The following TSPAN16 variants were observed in gnomAD, a reference collection of about 807,000 sequenced individuals.
The protein encoded by TSPAN16 is tetraspanin-16.
In TSPAN16, 23 loss-of-function variants were observed where a neutral mutation model predicts 25.2. The ratio of observed to expected loss-of-function variants is 0.91; its 90% CI spans 0.66 to 1.29. The LOEUF is 1.29. TSPAN16 is among the 50% of genes most tolerant of loss of function. The pLI, the probability that TSPAN16 is intolerant of heterozygous loss-of-function variation, is 0.00. For synonymous variants in TSPAN16, 123 were observed against 124.4 expected, an observed-to-expected ratio of 0.99 and a Z score of 0.08; for missense variants, 272 against 299.9, an observed-to-expected ratio of 0.91 and a Z score of 0.69.
downstream of TSPAN16, among the ~76,000 whole-genome samples, chr19:11,320,822 T>G (rs557289816): frequency 1.3e-5 from 2 of 152,186 alleles, no homozygotes; most frequent in East Asian, 1.9e-4. Context: ...CTTTGTTGTA[T>G]TAGTCTGTTT....
chr19:11,300,649 C>A (rs1226563697), intron 3 of TSPAN16: 1 of 152,872 alleles, frequency 6.5e-6, no homozygotes, highest in Non-Finnish European at 1.5e-5. Flanking sequence ...TTTGGGGACA[C>A]AGGAAACAGT....
chr19:11,314,550 T>A (rs2080725435), intron 6 of TSPAN16, among the ~76,000 whole-genome samples: 1 of 152,156 alleles, frequency 6.6e-6, no homozygotes, highest in Non-Finnish European at 1.5e-5. Context: ...ATTTATAATA[T>A]TGAATATGTA....
intron 6 of TSPAN16, chr19:11,325,426 G>GGGGGGGGGGGGGGGGGGGCCC: frequency 1.2e-6 from 1 of 825,492 alleles, no homozygotes; most frequent in Non-Finnish European, 1.8e-6. Context: ...GGGCTGGGGG[G>GGGGGGGGGGGGGGGGGGGCCC]CTGGAGCATC....
downstream of TSPAN16, among the ~76,000 whole-genome samples, chr19:11,316,794 A>C (rs2080751562): frequency 6.8e-6 from 1 of 146,354 alleles, no homozygotes; most frequent in Admixed American, 6.9e-5. Flanking sequence ...TGGGCAACAT[A>C]GCAAGACCCC....
At position 11,299,204 on chromosome 19, in the gene TSPAN16, C is replaced by T. The variant is rs183276686; in HGVS notation, c.342+258C>T. Among the ~76,000 whole-genome samples, 506 of 151,990 alleles carry T rather than the reference C, an allele frequency of 3.3e-3. 3 individuals carry two copies. The highest frequency in any genetic ancestry group is 5.7e-3 in the Non-Finnish European group (390 of 67,962). ...CTGAGGCAGGATAATCCCTTGAACCCGGGAGGCAGAGGTTGCAGTGAGCCA... is the reference window on the plus strand; with the variant it reads ...CTGAGGCAGGATAATCCCTTGAACCTGGGAGGCAGAGGTTGCAGTGAGCCA... On this transcript the variant is annotated intron_variant, in intron 3 of 6. Coordinates refer to ENST00000590327, the MANE Select transcript of TSPAN16 (RefSeq NM_001282509.2).
At chr19:11,301,040 C>T (rs1046431556) in intron 3 of TSPAN16, 161 bp from the exon 4 acceptor site, 8 of 596,976 alleles carry the variant, frequency 1.3e-5, no homozygotes, top group Non-Finnish European at 2.1e-5. Flanking sequence ...CAGTAGCCTT[C>T]GTGTGTCTTC....
At chr19:11,311,899 G>A (rs1275277385) in intron 5 of TSPAN16, among the ~76,000 whole-genome samples, 2 of 152,166 alleles carry the variant, frequency 1.3e-5, no homozygotes, top group African/African-American at 4.8e-5. Context: ...GCACAGACAA[G>A]TAGAAGGGAA....
At chr19:11,309,553 C>T (rs1379848529) in intron 5 of TSPAN16, among the ~76,000 whole-genome samples, 1 of 152,262 alleles carries the variant, frequency 6.6e-6, no homozygotes, top group Non-Finnish European at 1.5e-5. Flanking sequence ...CAAGTCTTTA[C>T]TCAACTGGCA....
intron 6 of TSPAN16, among the ~76,000 whole-genome samples, chr19:11,315,465 G>A (rs1201887839): frequency 6.6e-6 from 1 of 151,094 alleles, no homozygotes; most frequent in Admixed American, 6.6e-5. Context: ...GCTGAGGCAG[G>A]AGAATGGCGT....
chr19:11,308,252 T>A (rs567783672), intron 5 of TSPAN16, among the ~76,000 whole-genome samples: 1 of 152,088 alleles, frequency 6.6e-6, no homozygotes, highest in South Asian at 2.1e-4. Flanking sequence ...AGGGAAGAAA[T>A]AGAAATCAGA....
At chr19:11,312,481 G>A (rs182554916) in intron 6 of TSPAN16, among the ~76,000 whole-genome samples, 18 of 152,112 alleles carry the variant, frequency 1.2e-4, no homozygotes, top group Admixed American at 3.9e-4. Flanking sequence ...AAAACAGGTC[G>A]GGTATAATGG....
downstream of TSPAN16, among the ~76,000 whole-genome samples, chr19:11,317,419 G>T (rs1477084406): frequency 6.6e-6 from 1 of 152,062 alleles, no homozygotes; most frequent in Non-Finnish European, 1.5e-5. Flanking sequence ...GGGCTCAAGG[G>T]AGTCTCCCAT....
intron 6 of TSPAN16, among the ~76,000 whole-genome samples, chr19:11,315,498 A>C (rs1044096725): frequency 2.0e-5 from 3 of 151,206 alleles, no homozygotes; most frequent in Non-Finnish European, 3.0e-5. Flanking sequence ...CGGAGCTTGT[A>C]GTGAGCCAAG....
chr19:11,299,318 C>T (rs2080516858), intron 3 of TSPAN16, among the ~76,000 whole-genome samples: 1 of 151,890 alleles, frequency 6.6e-6, no homozygotes, highest in Admixed American at 6.6e-5. Context: ...AAGTCCGCCC[C>T]TCCCCGCCAG....
At chr19:11,297,317 G>C (rs1455284092) in intron 1 of TSPAN16, among the ~76,000 whole-genome samples, 1 of 151,992 alleles carries the variant, frequency 6.6e-6, no homozygotes, top group African/African-American at 2.4e-5. Context: ...ACAAAATAAA[G>C]TGTTATTGGA....
At chr19:11,310,992 C>T (rs150004574) in intron 5 of TSPAN16, among the ~76,000 whole-genome samples, 121 of 152,132 alleles carry the variant, frequency 8.0e-4, no homozygotes, top group African/African-American at 2.8e-3. Context: ...CACATACCAC[C>T]ACACTGGCTA....
intron 1 of TSPAN16, among the ~76,000 whole-genome samples, chr19:11,297,657 C>A (rs1035711087): frequency 3.9e-5 from 6 of 151,990 alleles, no homozygotes; most frequent in African/African-American, 1.5e-4. Flanking sequence ...CCACCACGCC[C>A]GGCCAATTTT....
In TSPAN16 at chr19:11,296,240, G is replaced by A. The variant is rs1255714729; in HGVS notation, c.-58G>A. The A allele has an allele frequency of 6.4e-7, 1 of 1,558,864 alleles. No individual in the cohort carries two copies. The highest frequency in any genetic ancestry group is 1.3e-5 in the African/African-American group (1 of 74,180). Reference sequence around the variant, plus strand: ...ATCCCTATCATCTTGGGAAACAGTAGCCCAGAGGTTCAGGAAGATGTTAAC... The same window carrying A: ...ATCCCTATCATCTTGGGAAACAGTAACCCAGAGGTTCAGGAAGATGTTAAC... On this transcript the variant is annotated 5_prime_UTR_variant, in exon 1 of 7. Coordinates refer to ENST00000590327, the MANE Select transcript of TSPAN16 (RefSeq NM_001282509.2).
At chr19:11,305,858 CAT>C (rs1263989548) in intron 4 of TSPAN16, among the ~76,000 whole-genome samples, 1 of 152,200 alleles carries the variant, frequency 6.6e-6, no homozygotes, top group East Asian at 1.9e-4. Context: ...CCATTACTGA[CAT>C]GTGAATGAAG....
Sources: allele counts gnomAD v4.1 joint callset (sites outside exome capture counted in the v4.1 genomes callset), GRCh38; gene constraint gnomAD v4.1.1; transcripts MANE v1.5; gene names NCBI Gene and HGNC (gene_info 2026-07-23, HGNC 2026-07-21).